MLF1: variants seen among roughly 807,000 people sequenced by gnomAD.
MLF1 encodes the protein myeloid leukemia factor 1.
MLF1 carries 37 observed loss-of-function variants against 38.3 expected under a neutral mutation model. The observed-to-expected ratio is 0.96, with a 90% confidence interval of 0.74 to 1.27. The LOEUF (loss-of-function observed/expected upper bound fraction) is 1.27. Among genes scored for constraint, MLF1 ranks in the 50% most tolerant of loss-of-function variants. MLF1 has a pLI of 0.00. For synonymous variants in MLF1, 95 were observed against 106.5 expected, an observed-to-expected ratio of 0.89 and a Z score of 0.66; for missense variants, 331 against 349.2, an observed-to-expected ratio of 0.95 and a Z score of 0.42.
intron 1 of MLF1, among the ~76,000 whole-genome samples, chr3:158,576,577 C>T (rs7622451): frequency 0.33 from 50,361 of 151,836 alleles, 8,489 homozygotes; most frequent in Middle Eastern, 0.37. Context: ...TAATTCTGAT[C>T]GAGCAAGTCT....
At chr3:158,586,462 A>G (rs574342673) in intron 1 of MLF1, among the ~76,000 whole-genome samples, 21 of 152,300 alleles carry the variant, frequency 1.4e-4, no homozygotes, top group Admixed American at 1.3e-3. Context: ...TGAGTGTGAA[A>G]TGAATTTAGA....
Position 158,571,251 on chromosome 3 carries a change from A to G in MLF1, c.-50A>G. ...CTTGTCGCGGCCGCGGCGAGTTAAC[A>G]TCGTTTTTCCAATCTGTCCGCGGCT... is the stretch of plus-strand genomic sequence containing the variant. On this transcript the variant is annotated 5_prime_UTR_variant, in exon 1 of 8. Transcript: ENST00000466246. The G allele has an allele frequency of 1.3e-6, 2 of 1,489,108 alleles. No individual in the cohort carries two copies. The highest frequency in any genetic ancestry group is 1.9e-6 in the Non-Finnish European group (2 of 1,069,994). 92.2% of individuals were successfully genotyped at this position (1,489,108 alleles called of 1,614,324 possible).
chr3:158,582,795 A>G (rs1716607198), intron 1 of MLF1: 3 of 635,526 alleles, frequency 4.7e-6, no homozygotes, highest in Non-Finnish European at 8.3e-6. Context: ...ACAAACAAAA[A>G]TTTGGTGAAT....
intron 3 of MLF1, 31 bp downstream of exon 3, chr3:158,593,457 C>T: frequency 6.6e-7 from 1 of 1,517,380 alleles, no homozygotes; most frequent in Non-Finnish European, 8.8e-7. Flanking sequence ...ATCATTTTAG[C>T]AATATTTTCT....
At chr3:158,591,440 A>T (rs1182371477) in intron 1 of MLF1, among the ~76,000 whole-genome samples, 1 of 152,126 alleles carries the variant, frequency 6.6e-6, no homozygotes, top group Non-Finnish European at 1.5e-5. Flanking sequence ...GATTACAGGC[A>T]TGAGGCACCA....
At chr3:158,579,621 T>C (rs1443436554) in intron 1 of MLF1, among the ~76,000 whole-genome samples, 1 of 152,216 alleles carries the variant, frequency 6.6e-6, no homozygotes, top group Non-Finnish European at 1.5e-5. Context: ...ATGAGCCATA[T>C]TTTGTTGATT....
At chr3:158,587,767 G>C (rs920801665) in intron 1 of MLF1, among the ~76,000 whole-genome samples, 3 of 152,228 alleles carry the variant, frequency 2.0e-5, no homozygotes, top group Non-Finnish European at 2.9e-5. Context: ...TTGGGAGGCC[G>C]AGGCGGGCAG....
intron 1 of MLF1, 117 bp downstream of exon 1, chr3:158,571,464 A>T: frequency 1.5e-6 from 2 of 1,309,674 alleles, no homozygotes; most frequent in Admixed American, 1.9e-5. Flanking sequence ...GTAACTCTGG[A>T]GGCGGTTTGA....
intron 1 of MLF1, chr3:158,582,632 T>C (rs1177946793): frequency 2.7e-6 from 1 of 365,410 alleles, no homozygotes; most frequent in Non-Finnish European, 4.9e-6. Flanking sequence ...GCAAAGAAAA[T>C]AATTATATCT....
intron 3 of MLF1, among the ~76,000 whole-genome samples, chr3:158,596,213 A>C (rs1453108475): frequency 6.6e-6 from 1 of 152,030 alleles, no homozygotes; most frequent in Non-Finnish European, 1.5e-5. Flanking sequence ...TTGGTTGAGA[A>C]ACTACTGTTT....
In MLF1 at chr3:158,573,715, G is replaced by A. The variant is rs117153263; in HGVS notation, c.47+2368G>A. On this transcript the variant is annotated intron_variant, in intron 1 of 7. Transcript: ENST00000466246. ...TTGATCCCTTAAATTTTCTAGGTTT[G>A]CAATTTGGAGAGCATTTTTTAAAAA... is the stretch of plus-strand genomic sequence containing the variant. Among the ~76,000 whole-genome samples the A allele has an allele frequency of 2.7e-4, 41 of 152,208 alleles. No individual in the cohort carries two copies. In the East Asian group the frequency reaches 7.7e-3, roughly 29 times the overall value.
At chr3:158,585,767 A>G (rs1221634996) in intron 1 of MLF1, among the ~76,000 whole-genome samples, 1 of 152,246 alleles carries the variant, frequency 6.6e-6, no homozygotes, top group Non-Finnish European at 1.5e-5. Context: ...CAAAGAAGGC[A>G]AACAGATAGA....
chr3:158,590,675 G>A (rs927599096), intron 1 of MLF1: 5 of 406,946 alleles, frequency 1.2e-5, no homozygotes, highest in African/African-American at 8.4e-5. Context: ...ATGAAATCTG[G>A]AGAAGACCAA....
At chr3:158,586,319 A>G (rs1441316429) in intron 1 of MLF1, among the ~76,000 whole-genome samples, 1 of 152,152 alleles carries the variant, frequency 6.6e-6, no homozygotes, top group Admixed American at 6.6e-5. Context: ...TTTCTTAGAA[A>G]GAATGAGAAC....
chr3:158,602,691 T>G lies in MLF1; in HGVS notation c.614-116T>G, dbSNP rs1054310160. On this transcript the variant is annotated intron_variant, in intron 6 of 7. Transcript: ENST00000466246. ...TATATTTGAAGCAGCTTCCTGCCTC[T>G]GTATTGAGGTTACACTAATGAAAAC... The G allele has an allele frequency of 1.1e-5, 10 of 889,400 alleles. No homozygotes were observed. The East Asian group carries it at 2.7e-4, about 24-fold the overall frequency. 55.1% of individuals were successfully genotyped at this position (889,400 alleles called of 1,614,324 possible).
intron 5 of MLF1, 93 bp downstream of exon 5, chr3:158,598,301 A>C: frequency 8.2e-7 from 1 of 1,223,322 alleles, no homozygotes; most frequent in Non-Finnish European, 1.1e-6. Context: ...TTAATCTGGT[A>C]CAAGATGGTG....
chr3:158,598,182 A>C lies in MLF1; in HGVS notation c.427A>C (p.Thr143Pro), dbSNP rs1451157709. 3 of 1,613,690 alleles carry C rather than the reference A, an allele frequency of 1.9e-6. No individual in the cohort carries two copies. Among genetic ancestry groups the C allele is most frequent in the African/African-American group, 1.3e-5 (1 of 74,898 alleles). The change falls in exon 5 of 8, where the codon ACT becomes CCT. Residue 143 changes from threonine to proline, a missense_variant. By Grantham distance (38) the Thr-to-Pro change is conservative. Transcript: ENST00000466246. The stretch of plus-strand genomic sequence containing the variant: ...ACCGCCAAAGGTTTTTCAGGCCTCA[A>C]CTCAAACTCGTCGAGCTCCAGGAGG... ...DEPPKVFQASTQTRRAPGGIK... is the reference protein window; with the variant it reads ...DEPPKVFQASPQTRRAPGGIK...
chr3:158,584,701 A>G (rs909532160), intron 1 of MLF1, among the ~76,000 whole-genome samples: 33 of 133,820 alleles, frequency 2.5e-4, no homozygotes, highest in African/African-American at 5.6e-4. Context: ...GTGTGTGTGT[A>G]TACTTTTTTA....
chr3:158,587,723 T>G (rs1411016294), intron 1 of MLF1, among the ~76,000 whole-genome samples: 1 of 152,186 alleles, frequency 6.6e-6, no homozygotes, highest in Non-Finnish European at 1.5e-5. Context: ...TGGCTTGGCC[T>G]GGTGCGGTGG....
Sources: allele counts gnomAD v4.1 joint callset (sites outside exome capture counted in the v4.1 genomes callset), GRCh38; gene constraint gnomAD v4.1.1; transcripts MANE v1.5; gene names NCBI Gene and HGNC (gene_info 2026-07-23, HGNC 2026-07-21).